ZC3H4: variants seen among roughly 807,000 people sequenced by gnomAD.
ZC3H4 encodes zinc finger CCCH domain-containing protein 4.
In ZC3H4, 13 loss-of-function variants were observed where a neutral mutation model predicts 108.3. The observed-to-expected ratio is 0.12, with a 90% CI of 0.08 to 0.19. The LOEUF (loss-of-function observed/expected upper bound fraction) is 0.19. ZC3H4 is among the 10% of genes least tolerant of loss of function. The probability of loss-of-function intolerance (pLI) is 1.00; values close to 1 mark genes in which losing one functional copy is unlikely to be tolerated. For synonymous variants in ZC3H4, 917 were observed against 749.6 expected, an observed-to-expected ratio of 1.22 and a Z score of -3.65; for missense variants, 1,734 against 1,838.8, an observed-to-expected ratio of 0.94 and a Z score of 1.04.
At chr19:47,090,992 C>T (rs913045740) in intron 4 of ZC3H4, among the ~76,000 whole-genome samples, 1 of 152,178 alleles carries the variant, frequency 6.6e-6, no homozygotes, top group African/African-American at 2.4e-5. Flanking sequence ...GGGGGCTGGG[C>T]GCGGTGGCTC....
At chr19:47,101,796 G>C (rs1028583503) in intron 2 of ZC3H4, among the ~76,000 whole-genome samples, 1 of 151,336 alleles carries the variant, frequency 6.6e-6, no homozygotes, top group South Asian at 2.1e-4. Flanking sequence ...ACTTGAACCT[G>C]GGAGGCAGAG....
rs2057602360 is a variant in ZC3H4 at position 47,085,425 on chromosome 19, CAG to C, written c.871-13_871-12del. ...CTCACTCTCTCCATACTGGAATGCG[CAG>C]AGGAGAGGGCAGGAGAGCGTCAGGT... On this transcript the variant is annotated splice_polypyrimidine_tract_variant and intron_variant, in intron 6 of 14. Coordinates refer to ENST00000253048, the MANE Select transcript of ZC3H4 (RefSeq NM_015168.2). The C allele has an allele frequency of 6.4e-7, 1 of 1,568,446 alleles. No homozygotes were observed. Among genetic ancestry groups the C allele is most frequent in the Middle Eastern group, 1.7e-4 (1 of 5,824 alleles).
At position 47,067,174 on chromosome 19, in the gene ZC3H4, C is replaced by A. The variant is rs2057225535; in HGVS notation, c.3094G>T (p.Asp1032Tyr). The A allele has an allele frequency of 3.1e-6, 5 of 1,611,480 alleles. No individual in the cohort carries two copies. Among genetic ancestry groups the A allele is most frequent in the Non-Finnish European group, 4.2e-6 (5 of 1,178,624 alleles). Residue 1032 changes from aspartate (D) to tyrosine (Y), a missense_variant, in exon 15 of 15, where the codon GAT becomes TAT. Physicochemically the swap from Asp to Tyr is radical, Grantham distance 160. Coordinates refer to ENST00000253048, the MANE Select transcript of ZC3H4 (RefSeq NM_015168.2). This position sits in a 1 kb window ranked among gnomAD's most constrained non-coding sequence, Gnocchi z 6.4. ...NARQRPGAST[D>Y]SSTQGANLPD... is the part of the protein sequence containing the mutation. ...AGGTTGGCGCCCTGTGTGCTGGAAT[C>A]CGTGGAGGCGCCCGGGCGCTGCCGG...
At position 47,085,188 on chromosome 19, in the gene ZC3H4, ACTT is replaced by A. The variant is rs1297384494; in HGVS notation, c.972_974del (p.Ser325del). 6.2e-7 allele frequency: 1 copy of A among 1,610,584 alleles called. No homozygotes were observed. Among genetic ancestry groups the A allele is most frequent in the Non-Finnish European group, 8.5e-7 (1 of 1,178,086 alleles). The stretch of plus-strand genomic sequence containing the variant: ...CTCGGGAGCCCCTGCCACGGCCTCG[ACTT>A]AGCCCTGTGGAGGGGAGATTGTGTG... On this transcript the variant is annotated inframe_deletion, in exon 8 of 15. Transcript: ENST00000253048.
Position 47,096,020 on chromosome 19 carries a change from A to G in ZC3H4, c.162-1412T>C, listed in dbSNP as rs556201010. On this transcript the variant is annotated intron_variant, in intron 2 of 14. Transcript: ENST00000253048. ...CTGAAGGTTCCAGGGCATGTGGCAG[A>G]CTCCTCCTCCCAGGACCCTCCACTG... Among the ~76,000 whole-genome samples the G allele has an allele frequency of 2.6e-5, 4 of 151,328 alleles. No individual in the cohort carries two copies. In the East Asian group the frequency reaches 7.8e-4, roughly 30 times the overall value.
rs200230009 is a variant in ZC3H4, at chr19:47,081,486, G to C, written c.1440+27C>G. The C allele has an allele frequency of 2.5e-4, 401 of 1,591,474 alleles. 5 individuals are homozygous for C. In the South Asian group the frequency reaches 4.1e-3, roughly 16 times the overall value. On this transcript the variant is annotated intron_variant, in intron 11 of 14. Coordinates refer to ENST00000253048, the MANE Select transcript of ZC3H4 (RefSeq NM_015168.2). ...TGCGCATGTCCCAGTTCCTGTAGCC[G>C]GGGGCCCCGTTACCCCCGGACATTA...
chr19:47,092,910 GT>G (rs1367534088), intron 4 of ZC3H4, among the ~76,000 whole-genome samples: 15 of 151,100 alleles, frequency 9.9e-5, no homozygotes, highest in Non-Finnish European at 7.4e-5. Context: ...CGAATACTGG[GT>G]AAAGTAATCA....
chr19:47,090,984 G>A (rs2122960354), intron 4 of ZC3H4, among the ~76,000 whole-genome samples: 1 of 152,306 alleles, frequency 6.6e-6, no homozygotes, highest in East Asian at 1.9e-4. Context: ...GAAAGTCAGG[G>A]GGCTGGGCGC....
In ZC3H4 at chr19:47,066,911, A is replaced by C; in HGVS notation, c.3357T>G (p.Ala1119=). The change falls in exon 15 of 15, where the codon GCT becomes GCG. Residue 1119 remains alanine (A), a synonymous_variant. Transcript: ENST00000253048. ...CCGCCAGCACGCGGGGGTCGTAGGG[A>C]GCGGTGGCTGGTGGGGAGGCATCCC... ...PSGDASPPAT[A]PYDPRVLAAG... is the part of the protein sequence containing the mutation. The C allele has an allele frequency of 6.3e-7, 1 of 1,596,354 alleles. No homozygotes were observed. Among genetic ancestry groups the C allele is most frequent in the Non-Finnish European group, 8.5e-7 (1 of 1,176,178 alleles).
intron 2 of ZC3H4, among the ~76,000 whole-genome samples, chr19:47,099,554 C>T (rs2057874223): frequency 6.6e-6 from 1 of 151,974 alleles, no homozygotes. Flanking sequence ...TTGGTCACAA[C>T]CACACATACA....
In ZC3H4 at chr19:47,082,727, T is replaced by G. The variant is rs555118951; in HGVS notation, c.1219-432A>C. The stretch of plus-strand genomic sequence containing the variant: ...AACCATGAGGACAAAAGCCATATGT[T>G]TAAAGATGGCAGAATAGTAAGCAGG... On this transcript the variant is annotated intron_variant, in intron 9 of 14. Coordinates refer to ENST00000253048, the MANE Select transcript of ZC3H4 (RefSeq NM_015168.2). Among the ~76,000 whole-genome samples, 25 of 152,296 alleles carry G rather than the reference T, an allele frequency of 1.6e-4. No individual in the cohort carries two copies. The South Asian group carries it at 5.2e-3, about 32-fold the overall frequency.
At chr19:47,104,254 GGT>G (rs1396607441) in intron 2 of ZC3H4, among the ~76,000 whole-genome samples, 8 of 152,196 alleles carry the variant, frequency 5.3e-5, no homozygotes, top group African/African-American at 1.7e-4. Flanking sequence ...AGGAGGCAGA[GGT>G]TGCAGTGAGC....
At position 47,066,716 on chromosome 19, in the gene ZC3H4, C is replaced by A; in HGVS notation, c.3552G>T (p.Lys1184Asn). 1.2e-6 allele frequency: 2 copies of A among 1,608,260 alleles called. No homozygotes were observed. The highest frequency in any genetic ancestry group is 1.7e-6 in the Non-Finnish European group (2 of 1,178,604). Residue 1184 changes from lysine (K) to asparagine (N), a missense_variant, in exon 15 of 15, where the codon AAG (lysine) becomes AAT (asparagine). Physicochemically the swap from Lys to Asn is moderately conservative, Grantham distance 94. This residue lies in a region of ZC3H4 where 518 missense variants were observed against 499.6 expected (regional missense o/e 1.04). Coordinates refer to ENST00000253048, the MANE Select transcript of ZC3H4 (RefSeq NM_015168.2). ...AEGNGKSSAS[K>N]AKEPPFVRKS... is the part of the protein sequence containing the mutation. Reference sequence around the variant, plus strand: ...TGCGGACGAACGGGGGCTCCTTAGCCTTGGAGGCCGAGCTCTTGCCATTGC... The same window carrying A: ...TGCGGACGAACGGGGGCTCCTTAGCATTGGAGGCCGAGCTCTTGCCATTGC...
At position 47,089,070 on chromosome 19, in the gene ZC3H4, G is replaced by A. The variant is rs183378197; in HGVS notation, c.715+897C>T. The stretch of plus-strand genomic sequence containing the variant: ...AAAATACAAAAACTAGCTGGGTGTA[G>A]TGGCACGTGCCTGTAATCCCAGCTA... On this transcript the variant is annotated intron_variant, in intron 5 of 14. Coordinates refer to ENST00000253048, the MANE Select transcript of ZC3H4 (RefSeq NM_015168.2). Among the ~76,000 whole-genome samples the A allele has an allele frequency of 6.0e-3, 918 of 152,010 alleles. 4 individuals are homozygous for A. The highest frequency in any genetic ancestry group is 8.1e-3 in the Non-Finnish European group (552 of 67,954).
intron 2 of ZC3H4, chr19:47,096,675 T>C: frequency 2.0e-6 from 1 of 487,914 alleles, no homozygotes; most frequent in Non-Finnish European, 2.7e-6. Flanking sequence ...TGGGGTTCCA[T>C]AAAGAAAAGC....
intron 11 of ZC3H4, among the ~76,000 whole-genome samples, chr19:47,075,465 T>C (rs1218895845): frequency 6.6e-6 from 1 of 151,932 alleles, no homozygotes; most frequent in Non-Finnish European, 1.5e-5. Context: ...CCTCCTCCTC[T>C]TCAGTCCCCA....
intron 5 of ZC3H4, among the ~76,000 whole-genome samples, chr19:47,089,705 T>TC (rs11387978): frequency 0.52 from 79,454 of 151,870 alleles, 24,473 homozygotes; most frequent in Non-Finnish European, 0.71. Context: ...TGTTCCCTTC[T>TC]CCCCCCACAG....
chr19:47,066,791 T>C lies in ZC3H4; in HGVS notation c.3477A>G (p.Lys1159=). 6.2e-7 allele frequency: 1 copy of C among 1,601,290 alleles called. No homozygotes were observed. Among genetic ancestry groups the C allele is most frequent in the Non-Finnish European group, 8.5e-7 (1 of 1,178,364 alleles). The change falls in exon 15 of 15, where the codon AAA becomes AAG. Residue 1159 remains lysine (K), a synonymous_variant. Transcript: ENST00000253048. ...CCGTGTCAGCAGCCGGCTCTGTGGC[T>C]TTGCCCCCCGCGTTGGGAGTCCTCG... ...YDPRTPNAGG[K]ATEPAADTGA...
intron 2 of ZC3H4, among the ~76,000 whole-genome samples, chr19:47,096,153 G>GGGAT (rs1440013459): frequency 6.6e-6 from 1 of 152,166 alleles, no homozygotes; most frequent in African/African-American, 2.4e-5. Context: ...CAGTTCAAAG[G>GGGAT]GGATGGGTTC....
Sources: allele counts gnomAD v4.1 joint callset (sites outside exome capture counted in the v4.1 genomes callset), GRCh38; gene constraint gnomAD v4.1.1; regional missense constraint gnomAD v4.1.1; non-coding constraint Gnocchi (gnomAD v3.1); transcripts MANE v1.5; gene names NCBI Gene and HGNC (gene_info 2026-07-23, HGNC 2026-07-21).